The following ENPP6 variants were observed in gnomAD, a reference collection of about 807,000 sequenced individuals.
The protein encoded by ENPP6 is ectonucleotide pyrophosphatase/phosphodiesterase 6, also known as glycerophosphocholine cholinephosphodiesterase ENPP6.
ENPP6 carries 32 observed loss-of-function variants against 42.0 expected under a neutral mutation model. The ratio of observed to expected loss-of-function variants is 0.76; its 90% CI spans 0.58 to 1.02. The LOEUF (loss-of-function observed/expected upper bound fraction) is 1.02, where lower values mean the gene tolerates loss of function less well. Ranked by LOEUF, ENPP6 falls within the 50% of genes least tolerant of loss-of-function variation. The pLI is 0.00. For synonymous variants in ENPP6, 213 were observed against 216.0 expected (o/e 0.99, Z 0.12); for missense variants, 552 against 566.8 (o/e 0.97, Z 0.27).
Position 184,175,885 on chromosome 4 carries a change from G to A in ENPP6, c.242-22152C>T, listed in dbSNP as rs145505429. On this transcript the variant is annotated intron_variant, in intron 1 of 7. Transcript: ENST00000296741. ...GGTCAGATGTCCACAAAAGTGGCAC[G>A]TGTTTACGAAGGGAGAAGGAGGTTG... is the stretch of plus-strand genomic sequence containing the variant. Among the ~76,000 whole-genome samples the A allele has an allele frequency of 6.6e-5, 10 of 152,322 alleles. No homozygotes were observed. The East Asian group carries it at 7.7e-4, about 12-fold the overall frequency.
At chr4:184,193,311 A>G (rs1425441502) in intron 1 of ENPP6, among the ~76,000 whole-genome samples, 1 of 152,252 alleles carries the variant, frequency 6.6e-6, no homozygotes, top group Non-Finnish European at 1.5e-5. Flanking sequence ...ATAAAAGGAG[A>G]AACATACTAA....
chr4:184,113,915 C>CTTTTCT (rs1242906206), intron 5 of ENPP6, among the ~76,000 whole-genome samples: 24 of 127,430 alleles, frequency 1.9e-4, no homozygotes, highest in African/African-American at 6.6e-4. Flanking sequence ...TTCTTTCTTT[C>CTTTTCT]TTTCTTTCTT....
intron 2 of ENPP6, among the ~76,000 whole-genome samples, chr4:184,137,510 A>G (rs1484710648): frequency 6.6e-6 from 1 of 151,796 alleles, no homozygotes; most frequent in African/African-American, 2.4e-5. Flanking sequence ...TATGCATAAA[A>G]TTGTAAATAC....
chr4:184,131,249 T>TC, intron 2 of ENPP6, among the ~76,000 whole-genome samples: 2 of 87,512 alleles, frequency 2.3e-5, no homozygotes, highest in African/African-American at 1.3e-4. Flanking sequence ...TCTTTCTTTC[T>TC]TTCTCTTTCT....
intron 1 of ENPP6, among the ~76,000 whole-genome samples, chr4:184,154,230 C>A (rs972540645): frequency 6.6e-6 from 1 of 152,134 alleles, no homozygotes; most frequent in Non-Finnish European, 1.5e-5. Context: ...ACGTTTGGAA[C>A]AGAATAGCGA....
intron 6 of ENPP6, 41 bp from the exon 7 acceptor site, chr4:184,097,409 C>T (rs755641675): frequency 4.3e-6 from 7 of 1,609,728 alleles, no homozygotes; most frequent in Non-Finnish European, 5.9e-6. Context: ...TACGTCCTGA[C>T]CGTGGCGCTG....
At chr4:184,152,704 T>C (rs1737076532) in intron 2 of ENPP6, among the ~76,000 whole-genome samples, 1 of 152,146 alleles carries the variant, frequency 6.6e-6, no homozygotes, top group Non-Finnish European at 1.5e-5. Context: ...AATCCTCTCA[T>C]CCTTAATGAA....
At chr4:184,157,203 T>C (rs1261258638) in intron 1 of ENPP6, among the ~76,000 whole-genome samples, 1 of 152,220 alleles carries the variant, frequency 6.6e-6, no homozygotes, top group Non-Finnish European at 1.5e-5. Context: ...CCTTGATGTT[T>C]CTTCTTAGTA....
chr4:184,190,900 C>T, intron 1 of ENPP6, among the ~76,000 whole-genome samples: 1 of 152,248 alleles, frequency 6.6e-6, no homozygotes, highest in East Asian at 1.9e-4. Context: ...GTTGAATCCT[C>T]TCTTTTATGC....
At chr4:184,188,308 G>T (rs1411847726) in intron 1 of ENPP6, among the ~76,000 whole-genome samples, 35 of 152,158 alleles carry the variant, frequency 2.3e-4, no homozygotes, top group Admixed American at 2.3e-3. Context: ...CGTCTGTGGG[G>T]TATATTCCAA....
chr4:184,154,058 T>A (rs1737112822), intron 1 of ENPP6, among the ~76,000 whole-genome samples: 1 of 152,118 alleles, frequency 6.6e-6, no homozygotes, highest in East Asian at 1.9e-4. Flanking sequence ...CATCTGTGGA[T>A]TCCTCTGAGA....
At chr4:184,210,136 C>T (rs1733084265) in intron 1 of ENPP6, among the ~76,000 whole-genome samples, 2 of 151,400 alleles carry the variant, frequency 1.3e-5, no homozygotes, top group Admixed American at 1.3e-4. Context: ...AAAATCATGC[C>T]AAAGTATAAA....
intron 2 of ENPP6, among the ~76,000 whole-genome samples, chr4:184,131,246 T>C (rs1736621349): frequency 1.0e-5 from 1 of 95,446 alleles, no homozygotes; most frequent in Non-Finnish European, 2.0e-5. Flanking sequence ...TTTTCTTTCT[T>C]TCTTTCTCTT....
At chr4:184,212,365 T>C (rs1733125733) in intron 1 of ENPP6, among the ~76,000 whole-genome samples, 1 of 149,692 alleles carries the variant, frequency 6.7e-6, no homozygotes, top group African/African-American at 2.5e-5. Context: ...AAAATCTCCT[T>C]AAGCTGATAA....
chr4:184,156,745 T>C (rs886701681), intron 1 of ENPP6, among the ~76,000 whole-genome samples: 1 of 152,242 alleles, frequency 6.6e-6, no homozygotes, highest in Non-Finnish European at 1.5e-5. Flanking sequence ...ATCGTTCCCA[T>C]AGCTAGAACT....
At chr4:184,161,318 T>C (rs961391057) in intron 1 of ENPP6, among the ~76,000 whole-genome samples, 8 of 151,858 alleles carry the variant, frequency 5.3e-5, no homozygotes, top group African/African-American at 1.9e-4. Context: ...ATCGGGGAAA[T>C]GGAAATCAAA....
At chr4:184,117,936 G>C in intron 3 of ENPP6, 36 bp from the exon 4 acceptor site, 1 of 1,604,678 alleles carries the variant, frequency 6.2e-7, no homozygotes, top group Non-Finnish European at 8.5e-7. Context: ...AGGTGAGGGA[G>C]GCCCCCGCCA....
chr4:184,136,217 A>G (rs1242666232), intron 2 of ENPP6, among the ~76,000 whole-genome samples: 3 of 151,228 alleles, frequency 2.0e-5, no homozygotes, highest in Non-Finnish European at 4.4e-5. Context: ...AATTTTATAT[A>G]AATATAAAAT....
intron 7 of ENPP6, among the ~76,000 whole-genome samples, chr4:184,096,940 T>A (rs1321394281): frequency 6.6e-6 from 1 of 152,188 alleles, no homozygotes; most frequent in East Asian, 1.9e-4. Context: ...CAGATAGCTA[T>A]GAAATAACAT....
Sources: gnomAD v4.1 joint callset for allele counts (sites outside exome capture counted in the v4.1 genomes callset) on GRCh38, gnomAD v4.1.1 for gene constraint, MANE v1.5 for transcripts, NCBI Gene and HGNC (gene_info 2026-07-23, HGNC 2026-07-21) for gene names.